Variants in TAF3 observed in about 807,000 individuals in gnomAD.
TAF3 encodes the protein TATA-box binding protein associated factor 3, also known as transcription initiation factor TFIID subunit 3.
A neutral mutation model predicts 80.6 loss-of-function variants in TAF3; 7 were observed. The ratio of observed to expected loss-of-function variants is 0.09; its 90% CI spans 0.05 to 0.16. The LOEUF (loss-of-function observed/expected upper bound fraction) is 0.16, where lower values mean the gene tolerates loss of function less well. TAF3 is among the 10% of genes least tolerant of loss of function. The pLI, the probability that TAF3 is intolerant of heterozygous loss-of-function variation, is 1.00. For missense variants in TAF3, 921 were observed against 1,140.2 expected (o/e 0.81, Z 2.77); for synonymous variants, 444 against 446.1 (o/e 1.00, Z 0.06).
At chr10:7,842,706 A>G (rs1322445674) in intron 2 of TAF3, among the ~76,000 whole-genome samples, 1 of 152,174 alleles carries the variant, frequency 6.6e-6, no homozygotes, top group African/African-American at 2.4e-5. Flanking sequence ...CCCCAATAAG[A>G]TATATCTGTT....
intron 2 of TAF3, among the ~76,000 whole-genome samples, chr10:7,844,538 A>T (rs1836950592): frequency 6.6e-6 from 1 of 152,016 alleles, no homozygotes; most frequent in African/African-American, 2.4e-5. Flanking sequence ...CACCACACCC[A>T]GCTAATTTTT....
intron 1 of TAF3, among the ~76,000 whole-genome samples, chr10:7,821,897 A>C (rs140533885): frequency 6.6e-6 from 1 of 152,336 alleles, no homozygotes; most frequent in African/African-American, 2.4e-5. Context: ...TCCAGCTTAG[A>C]GAATCACATA....
At chr10:7,966,293 C>T (rs1831570854) in intron 3 of TAF3, among the ~76,000 whole-genome samples, 1 of 152,188 alleles carries the variant, frequency 6.6e-6, no homozygotes, top group Non-Finnish European at 1.5e-5. Flanking sequence ...CCGTTTTCTG[C>T]TTTAATAAGA....
At chr10:7,923,694 G>A (rs530426552) in intron 2 of TAF3, among the ~76,000 whole-genome samples, 13 of 151,180 alleles carry the variant, frequency 8.6e-5, no homozygotes, top group African/African-American at 2.9e-4. Context: ...TTTTTGAAAA[G>A]AGTACCTCCC....
chr10:7,860,523 G>C (rs529904100), intron 2 of TAF3, among the ~76,000 whole-genome samples: 1 of 152,000 alleles, frequency 6.6e-6, no homozygotes, highest in African/African-American at 2.4e-5. Flanking sequence ...ATTATTTCGA[G>C]ATACTTCCCC....
At position 7,964,804 on chromosome 10, in the gene TAF3, A is replaced by G. The variant is rs1346628016; in HGVS notation, c.1294A>G (p.Thr432Ala). 1 of 1,614,194 alleles carries G rather than the reference A, an allele frequency of 6.2e-7. No individual in the cohort carries two copies. Among genetic ancestry groups the G allele is most frequent in the Non-Finnish European group, 8.5e-7 (1 of 1,180,050 alleles). ...SPKRISGPEC[T>A]TPKASTSANN... ...TAAGAGAATTTCAGGCCCGGAGTGT[A>G]CTACTCCCAAAGCTTCCACTTCCGC... Residue 432 changes from threonine to alanine, a missense_variant, in exon 3 of 7, where the codon ACT (threonine) becomes GCT (alanine). Around this residue, in one of 6 missense-constraint regions of TAF3, gnomAD observed 743 missense variants for 821.0 expected, o/e 0.90. Transcript: ENST00000344293. This position sits in a 1 kb window ranked among gnomAD's most constrained non-coding sequence, Gnocchi z 4.1.
chr10:7,902,799 G>C (rs771178698), intron 2 of TAF3, among the ~76,000 whole-genome samples: 4 of 152,162 alleles, frequency 2.6e-5, no homozygotes, highest in Admixed American at 6.5e-5. Context: ...ACTTGTGGCT[G>C]TAGAATGTTG....
At chr10:7,978,876 T>C (rs151127180) in intron 4 of TAF3, among the ~76,000 whole-genome samples, 1 of 152,282 alleles carries the variant, frequency 6.6e-6, no homozygotes, top group African/African-American at 2.4e-5. Flanking sequence ...GAATAAGATT[T>C]GTTAAAAGGC....
At chr10:7,954,255 T>C (rs1350947192) in intron 2 of TAF3, among the ~76,000 whole-genome samples, 7 of 131,070 alleles carry the variant, frequency 5.3e-5, no homozygotes, top group African/African-American at 1.1e-4. Context: ...ACTCCATAGG[T>C]GAATGAGTGG....
At chr10:7,851,123 CAT>C (rs1164703682) in intron 2 of TAF3, among the ~76,000 whole-genome samples, 3 of 151,994 alleles carry the variant, frequency 2.0e-5, no homozygotes, top group African/African-American at 7.2e-5. Flanking sequence ...ATGAGAAAAA[CAT>C]AGAGCATTTT....
chr10:8,007,384 G>A (rs1445632080), intron 4 of TAF3, among the ~76,000 whole-genome samples: 1 of 151,170 alleles, frequency 6.6e-6, no homozygotes, highest in Admixed American at 6.6e-5. Context: ...AGGCAGGAAA[G>A]GTACAGAGAA....
chr10:7,909,142 T>A (rs1202653082), intron 2 of TAF3, among the ~76,000 whole-genome samples: 1 of 152,238 alleles, frequency 6.6e-6, no homozygotes, highest in East Asian at 1.9e-4. Context: ...AGACCAAGTG[T>A]GGGCCTCTGA....
intron 4 of TAF3, among the ~76,000 whole-genome samples, chr10:7,984,584 TTATCCTTAATGGGTCCAG>T (rs1177275010): frequency 2.0e-5 from 3 of 152,230 alleles, no homozygotes; most frequent in Non-Finnish European, 4.4e-5. Context: ...GTAAAAGATC[TTATCCTTAATGGGTCCAG>T]GTCTTATTAG....
chr10:7,824,936 A>C (rs149259001), intron 2 of TAF3, among the ~76,000 whole-genome samples: 1 of 152,230 alleles, frequency 6.6e-6, no homozygotes, highest in Admixed American at 6.5e-5. Flanking sequence ...TATTCAGGCC[A>C]TGAGTTGAAT....
chr10:7,911,979 A>G (rs1367740254), intron 2 of TAF3, among the ~76,000 whole-genome samples: 1 of 152,170 alleles, frequency 6.6e-6, no homozygotes, highest in Non-Finnish European at 1.5e-5. Context: ...GGCTACCACA[A>G]CGAGTCATAT....
intron 2 of TAF3, among the ~76,000 whole-genome samples, chr10:7,938,661 G>A (rs915990708): frequency 2.0e-5 from 3 of 152,162 alleles, no homozygotes; most frequent in Non-Finnish European, 4.4e-5. Flanking sequence ...AAGATGCCTA[G>A]TAGGAAATGA....
intron 2 of TAF3, among the ~76,000 whole-genome samples, chr10:7,889,030 T>C (rs141439100): frequency 0.016 from 2,453 of 152,308 alleles, 33 homozygotes; most frequent in Non-Finnish European, 0.026. Context: ...CGTGGGATAT[T>C]GGAGCTGCTT....
rs1318342993 is a variant in TAF3, at chr10:7,818,585, G to A, written c.-125G>A. 9.0e-7 allele frequency: 1 copy of A among 1,110,188 alleles called. No individual in the cohort carries two copies. Among genetic ancestry groups the A allele is most frequent in the South Asian group, 1.7e-5 (1 of 57,656 alleles). 68.8% of individuals were successfully genotyped at this position (1,110,188 alleles called of 1,614,324 possible). On this transcript the variant is annotated 5_prime_UTR_variant, in exon 1 of 7. Coordinates refer to ENST00000344293, the MANE Select transcript of TAF3 (RefSeq NM_031923.4). ...TGCTGGGGCTTTGAGGTGGTCGCCG[G>A]GGGTCCGGGGGACCCTTTCCCCGCC...
intron 5 of TAF3, among the ~76,000 whole-genome samples, chr10:8,011,470 C>G (rs1832055795): frequency 6.6e-6 from 1 of 152,078 alleles, no homozygotes; most frequent in Non-Finnish European, 1.5e-5. Context: ...GAGATGATGT[C>G]TCTCTGTGTT....
Sources: gnomAD v4.1 joint callset for allele counts (sites outside exome capture counted in the v4.1 genomes callset) on GRCh38, gnomAD v4.1.1 for gene constraint, gnomAD v4.1.1 regional missense constraint, Gnocchi (gnomAD v3.1) non-coding constraint, MANE v1.5 for transcripts, NCBI Gene and HGNC (gene_info 2026-07-23, HGNC 2026-07-21) for gene names.